Variants in PTPRK observed in about 807,000 individuals in gnomAD.
The protein encoded by PTPRK is protein tyrosine phosphatase receptor type K.
PTPRK carries 75 observed loss-of-function variants against 178.0 expected under a neutral mutation model. The observed-to-expected ratio is 0.42, with a 90% CI of 0.35 to 0.51. The LOEUF (loss-of-function observed/expected upper bound fraction) is 0.51, where lower values mean the gene tolerates loss of function less well. PTPRK is among the 20% of genes least tolerant of loss of function. The pLI, the probability that PTPRK is intolerant of heterozygous loss-of-function variation, is 0.02. For missense variants in PTPRK, 1,441 were observed against 1,797.8 expected (o/e 0.80, Z 3.59); for synonymous variants, 637 against 620.6 (o/e 1.03, Z -0.39).
intron 7 of PTPRK, among the ~76,000 whole-genome samples, chr6:128,180,366 TA>T (rs1433219426): frequency 1.3e-5 from 2 of 151,998 alleles, no homozygotes; most frequent in Admixed American, 6.6e-5. Context: ...ACTTCCCTTT[TA>T]AGACAAATTA....
intron 22 of PTPRK, among the ~76,000 whole-genome samples, chr6:127,985,091 G>A (rs1208885240): frequency 6.6e-6 from 1 of 151,988 alleles, no homozygotes; most frequent in East Asian, 1.9e-4. Flanking sequence ...TTATTTTTCT[G>A]GTCACACCTC....
chr6:128,248,599 T>A (rs1421498246), intron 3 of PTPRK, among the ~76,000 whole-genome samples: 1 of 152,136 alleles, frequency 6.6e-6, no homozygotes, highest in African/African-American at 2.4e-5. Context: ...AAATACTACA[T>A]AAAATGGTTA....
intron 1 of PTPRK, among the ~76,000 whole-genome samples, chr6:128,399,846 A>G (rs1840793141): frequency 1.3e-5 from 2 of 152,206 alleles, no homozygotes; most frequent in Non-Finnish European, 2.9e-5. Context: ...AATGCTTGCT[A>G]TTTGTTGCAC....
At chr6:128,505,827 A>T (rs1856252059) in intron 1 of PTPRK, among the ~76,000 whole-genome samples, 1 of 152,202 alleles carries the variant, frequency 6.6e-6, no homozygotes, top group African/African-American at 2.4e-5. Flanking sequence ...TCAAAGAGCA[A>T]CTCTGCAAAT....
At chr6:128,359,839 T>C (rs1834488159) in intron 2 of PTPRK, among the ~76,000 whole-genome samples, 1 of 152,152 alleles carries the variant, frequency 6.6e-6, no homozygotes, top group Non-Finnish European at 1.5e-5. Context: ...ACTATCTCAA[T>C]TAATAAGTGA....
At chr6:128,062,007 A>G (rs1269474043) in intron 13 of PTPRK, 2 of 152,168 alleles carry the variant, frequency 1.3e-5, no homozygotes, top group Admixed American at 6.5e-5. Context: ...AGGTTCCTTC[A>G]TGCCTCTTCC....
chr6:128,280,602 TTA>T (rs1821517698), intron 3 of PTPRK, among the ~76,000 whole-genome samples: 2 of 152,172 alleles, frequency 1.3e-5, no homozygotes, highest in African/African-American at 4.8e-5. Context: ...AAATGTGTTT[TTA>T]AAGATATATA....
Position 128,468,092 on chromosome 6 carries a change from C to T in PTPRK, c.100+52167G>A, listed in dbSNP as rs189551687. Among the ~76,000 whole-genome samples the T allele has an allele frequency of 1.2e-3, 186 of 152,278 alleles. 1 individual carries two copies. The highest frequency in any genetic ancestry group is 2.0e-3 in the Non-Finnish European group (134 of 68,008). ...ACATTTGCTTATATTCAGTATCCTG[C>T]GTCTAACATCTCGCACAACGCGTGG... On this transcript the variant is annotated intron_variant, in intron 1 of 29. Coordinates refer to ENST00000368226, the MANE Select transcript of PTPRK (RefSeq NM_002844.4).
chr6:127,995,292 T>A, intron 18 of PTPRK, 170 bp downstream of exon 18: 1 of 1,606,252 alleles, frequency 6.2e-7, no homozygotes. Context: ...AAGTCAGGTG[T>A]GAAAGAAAGC....
intron 3 of PTPRK, among the ~76,000 whole-genome samples, chr6:128,296,892 A>C (rs1317787515): frequency 6.6e-6 from 1 of 152,002 alleles, no homozygotes; most frequent in East Asian, 1.9e-4. Context: ...TTTAAATGTA[A>C]ATGGACTAAA....
chr6:128,338,717 C>G (rs1324516999), intron 2 of PTPRK, among the ~76,000 whole-genome samples: 1 of 152,138 alleles, frequency 6.6e-6, no homozygotes, highest in African/African-American at 2.4e-5. Context: ...TACTCAATAG[C>G]TTCCTAATCA....
intron 1 of PTPRK, among the ~76,000 whole-genome samples, chr6:128,459,706 T>C (rs756125513): frequency 6.6e-6 from 1 of 152,202 alleles, no homozygotes; most frequent in Non-Finnish European, 1.5e-5. Flanking sequence ...ATCAGAATAA[T>C]AACATTACAC....
rs1239642954 is a variant in PTPRK, at chr6:127,973,143, C to T, written c.4148G>A (p.Arg1383Gln). 8.7e-6 allele frequency: 14 copies of T among 1,610,840 alleles called. No individual in the cohort carries two copies. The highest frequency in any genetic ancestry group is 2.7e-5 in the African/African-American group (2 of 74,884). ...TIIHCLNGGG[R>Q]SGMFCAIGIV... ...GCCTATAGCACAGAACATGCCACTT[C>T]GCCCGCCACCATTTCTGAAAGCAAA... The change falls in exon 29 of 30, where the codon CGA becomes CAA. Residue 1383 changes from arginine (R) to glutamine (Q), a missense_variant. This residue lies in a region of PTPRK where 335 missense variants were observed against 512.4 expected (regional missense o/e 0.65). Transcript: ENST00000368226.
intron 13 of PTPRK, among the ~76,000 whole-genome samples, chr6:128,046,070 T>C (rs1562488458): frequency 1.3e-5 from 2 of 152,150 alleles, no homozygotes; most frequent in Admixed American, 6.6e-5. Context: ...GAAATATTAG[T>C]GCCTAACAAA....
At chr6:128,100,063 T>C (rs1788533779) in intron 7 of PTPRK, among the ~76,000 whole-genome samples, 1 of 151,926 alleles carries the variant, frequency 6.6e-6, no homozygotes, top group African/African-American at 2.4e-5. Context: ...CACCAAAACA[T>C]GAATCAGCAT....
chr6:128,256,096 T>C (rs1184126504), intron 3 of PTPRK, among the ~76,000 whole-genome samples: 1 of 152,190 alleles, frequency 6.6e-6, no homozygotes, highest in Non-Finnish European at 1.5e-5. Context: ...CAGAAAGAAA[T>C]ACCTAATTTT....
At chr6:128,471,532 C>G (rs1241840367) in intron 1 of PTPRK, among the ~76,000 whole-genome samples, 1 of 147,722 alleles carries the variant, frequency 6.8e-6, no homozygotes, top group African/African-American at 2.5e-5. Flanking sequence ...AAAAGAGAAG[C>G]CTTAAAGGAA....
In PTPRK at chr6:128,009,244, A is replaced by C; in HGVS notation, c.2219T>G (p.Val740Gly). The C allele has an allele frequency of 6.2e-7, 1 of 1,608,880 alleles. No individual in the cohort carries two copies. ...TGTCTGCTTGGCGGGATCTGGGATCACTTCTGGTTCTTCTGTTGCTGCTGC... is the reference window on the plus strand; with the variant it reads ...TGTCTGCTTGGCGGGATCTGGGATCCCTTCTGGTTCTTCTGTTGCTGCTGC... ...TKAAATEEPEVIPDPAKQTDR... is the reference protein window; with the variant it reads ...TKAAATEEPEGIPDPAKQTDR... The change falls in exon 14 of 30, where the codon GTG becomes GGG. Residue 740 changes from valine to glycine, a missense_variant. Physicochemically the swap from Val to Gly is moderately radical, Grantham distance 109. This residue lies in a region of PTPRK where 945 missense variants were observed against 1,080.6 expected (regional missense o/e 0.87). Transcript: ENST00000368226.
intron 11 of PTPRK, among the ~76,000 whole-genome samples, chr6:128,072,677 T>C (rs1195037165): frequency 1.3e-5 from 2 of 152,058 alleles, no homozygotes; most frequent in Non-Finnish European, 2.9e-5. Context: ...GGTATGACCA[T>C]TGTTACCCAA....
Sources: gnomAD v4.1 joint callset for allele counts (sites outside exome capture counted in the v4.1 genomes callset) on GRCh38, gnomAD v4.1.1 for gene constraint, gnomAD v4.1.1 regional missense constraint, MANE v1.5 for transcripts, NCBI Gene and HGNC (gene_info 2026-07-23, HGNC 2026-07-21) for gene names.